The following GATA3 variants were observed in gnomAD, a reference collection of about 807,000 sequenced individuals.
GATA3 encodes the protein trans-acting T-cell-specific transcription factor GATA-3.
In GATA3, 6 loss-of-function variants were observed where a neutral mutation model predicts 36.0. That is an observed-to-expected ratio of 0.17 (90% CI 0.09 to 0.33). The LOEUF is 0.33. Ranked by LOEUF, GATA3 falls within the 10% of genes least tolerant of loss-of-function variation. The pLI, the probability that GATA3 is intolerant of heterozygous loss-of-function variation, is 1.00. For synonymous variants in GATA3, 326 were observed against 273.0 expected (o/e 1.19, Z -1.92); for missense variants, 514 against 610.1 (o/e 0.84, Z 1.66).
intron 2 of GATA3, among the ~76,000 whole-genome samples, chr10:8,057,605 T>G (rs1832662467): frequency 6.6e-6 from 1 of 152,158 alleles, no homozygotes; most frequent in Non-Finnish European, 1.5e-5. Context: ...CCTTGGGAAC[T>G]TTCTCCAACA....
At chr10:8,061,923 G>A (rs1042265733) in intron 3 of GATA3, among the ~76,000 whole-genome samples, 2 of 152,218 alleles carry the variant, frequency 1.3e-5, no homozygotes, top group African/African-American at 4.8e-5. Context: ...GGAGGAGCCC[G>A]AGGGGGTCCC....
chr10:8,066,443 TTTCTTTC>T lies in GATA3; in HGVS notation c.924+2308_924+2314del, dbSNP rs200698454. ...ACTCAGATTTCTTTTTCTTTCTTTC[TTTCTTTC>T]TTTTTTTTTTTTAGCCCTGAGATGT... is the stretch of plus-strand genomic sequence containing the variant. On this transcript the variant is annotated intron_variant, in intron 4 of 5. Transcript: ENST00000379328. 2.2e-3 allele frequency among the ~76,000 whole-genome samples: 326 copies of T among 147,208 alleles called. 7 individuals carry two copies. In the East Asian group the frequency reaches 0.039, roughly 18 times the overall value.
intron 1 of GATA3, among the ~76,000 whole-genome samples, chr10:8,047,993 T>C (rs1832413245): frequency 6.6e-6 from 1 of 151,968 alleles, no homozygotes. Flanking sequence ...GCCTCTACTG[T>C]CTCCAAGATC....
chr10:8,062,249 G>A (rs1289297511), intron 3 of GATA3, among the ~76,000 whole-genome samples: 4 of 151,944 alleles, frequency 2.6e-5, no homozygotes, highest in Admixed American at 6.5e-5. Flanking sequence ...GCACTGCAGC[G>A]TGTTTGTGTT....
chr10:8,073,705 T>TAAAAAAAA, intron 5 of GATA3, 34 bp from the exon 6 acceptor site: 4 of 1,408,444 alleles, frequency 2.8e-6, no homozygotes, highest in Non-Finnish European at 2.8e-6. Context: ...AGCAAAAAAG[T>TAAAAAAAA]AAAAAAAAAA....
intron 3 of GATA3, among the ~76,000 whole-genome samples, chr10:8,059,399 C>T (rs1276633837): frequency 6.6e-6 from 1 of 152,200 alleles, no homozygotes; most frequent in Admixed American, 6.5e-5. Context: ...CGCATATTCT[C>T]TGCGTGGAAA....
intron 4 of GATA3, among the ~76,000 whole-genome samples, chr10:8,068,418 A>G (rs141251982): frequency 2.0e-4 from 31 of 152,312 alleles, no homozygotes; most frequent in African/African-American, 7.5e-4. Flanking sequence ...ACAGCCAGCT[A>G]AAGAGAGTGA....
intron 4 of GATA3, among the ~76,000 whole-genome samples, chr10:8,068,827 C>T (rs540270725): frequency 2.0e-5 from 3 of 152,346 alleles, no homozygotes; most frequent in South Asian, 2.1e-4. Context: ...CTACTTGGCG[C>T]TTCCTCAGGT....
At chr10:8,058,053 C>A (rs1461402502) in intron 2 of GATA3, among the ~76,000 whole-genome samples, 1 of 152,170 alleles carries the variant, frequency 6.6e-6, no homozygotes, top group Admixed American at 6.5e-5. Context: ...CAGCCACAGG[C>A]CCTTCATTCT....
intron 4 of GATA3, among the ~76,000 whole-genome samples, 183 bp from the exon 5 acceptor site, chr10:8,069,290 A>G (rs1347094371): frequency 6.6e-6 from 1 of 151,800 alleles, no homozygotes; most frequent in Non-Finnish European, 1.5e-5. Context: ...TGGAGTGGCG[A>G]CATTTTTCTT....
intron 4 of GATA3, among the ~76,000 whole-genome samples, chr10:8,067,374 C>T (rs1349361589): frequency 1.3e-5 from 2 of 152,098 alleles, no homozygotes; most frequent in African/African-American, 2.4e-5. Flanking sequence ...TATTTACATC[C>T]CACAGAAGCA....
chr10:8,045,784 G>A (rs1023258831), intron 1 of GATA3, among the ~76,000 whole-genome samples: 3 of 152,142 alleles, frequency 2.0e-5, no homozygotes, highest in African/African-American at 7.2e-5. Context: ...AAACCCAACG[G>A]AAGAATGAGA....
upstream of GATA3, chr10:8,051,050 G>A (rs1252871623): frequency 3.8e-6 from 2 of 521,334 alleles, no homozygotes; most frequent in South Asian, 2.9e-5. Flanking sequence ...CTAGGGCTGA[G>A]CCCCAGAAAG....
chr10:8,047,784 G>A (rs1240561389), intron 1 of GATA3, among the ~76,000 whole-genome samples: 1 of 152,198 alleles, frequency 6.6e-6, no homozygotes, highest in Non-Finnish European at 1.5e-5. Flanking sequence ...GTGGAAGGCA[G>A]CCTAGAGCTG....
chr10:8,046,883 GC>G (rs1443200708), intron 1 of GATA3, among the ~76,000 whole-genome samples: 3 of 152,062 alleles, frequency 2.0e-5, no homozygotes, highest in Admixed American at 1.3e-4. Context: ...CCAGCCAGCT[GC>G]CCCGTAAAGC....
At chr10:8,066,189 T>C (rs1832839133) in intron 4 of GATA3, among the ~76,000 whole-genome samples, 1 of 152,126 alleles carries the variant, frequency 6.6e-6, no homozygotes, top group Non-Finnish European at 1.5e-5. Flanking sequence ...TCTTCCTCTG[T>C]CTGGTCAGAT....
chr10:8,068,677 C>G (rs544921702), intron 4 of GATA3, among the ~76,000 whole-genome samples: 1 of 152,162 alleles, frequency 6.6e-6, no homozygotes, highest in Non-Finnish European at 1.5e-5. Flanking sequence ...TGCTTCAAGC[C>G]GTGAGGTGGA....
chr10:8,048,523 G>T (rs550857009), intron 1 of GATA3, among the ~76,000 whole-genome samples: 5 of 152,332 alleles, frequency 3.3e-5, no homozygotes, highest in Admixed American at 3.3e-4. Context: ...ATGCCACTGG[G>T]GGCAGGGTAA....
chr10:8,067,435 A>C (rs1832859870), intron 4 of GATA3, among the ~76,000 whole-genome samples: 1 of 152,236 alleles, frequency 6.6e-6, no homozygotes, highest in Non-Finnish European at 1.5e-5. Context: ...CACTCAGGTT[A>C]ATTCAAAATT....
Sources: gnomAD v4.1 joint callset for allele counts (sites outside exome capture counted in the v4.1 genomes callset) on GRCh38, gnomAD v4.1.1 for gene constraint, MANE v1.5 for transcripts, NCBI Gene and HGNC (gene_info 2026-07-23, HGNC 2026-07-21) for gene names.